The following PIGK variants were observed in gnomAD, a reference collection of about 807,000 sequenced individuals.
PIGK encodes phosphatidylinositol glycan anchor biosynthesis class K.
Under a neutral mutation model 50.6 loss-of-function variants are expected in PIGK, and 42 were observed. The ratio of observed to expected loss-of-function variants is 0.83; its 90% CI spans 0.65 to 1.07. The LOEUF is 1.07. Ranked by LOEUF, PIGK falls within the 50% of genes least tolerant of loss-of-function variation. The probability of loss-of-function intolerance (pLI) is 0.00; values close to 1 mark genes in which losing one functional copy is unlikely to be tolerated. For synonymous variants in PIGK, 151 were observed against 156.0 expected (o/e 0.97, Z 0.24); for missense variants, 448 against 488.7 (o/e 0.92, Z 0.78).
At chr1:77,125,189 C>T (rs1021842143) in intron 9 of PIGK, among the ~76,000 whole-genome samples, 1 of 152,124 alleles carries the variant, frequency 6.6e-6, no homozygotes, top group Non-Finnish European at 1.5e-5. Flanking sequence ...AATCTGGCAA[C>T]TTGTTTTGAA....
chr1:77,112,231 A>C (rs1360329407), intron 10 of PIGK, among the ~76,000 whole-genome samples: 1 of 152,126 alleles, frequency 6.6e-6, no homozygotes, highest in Non-Finnish European at 1.5e-5. Flanking sequence ...AGAGAATGAT[A>C]ATCTTAACTC....
intron 1 of PIGK, among the ~76,000 whole-genome samples, chr1:77,216,018 T>C (rs776767572): frequency 2.0e-5 from 3 of 152,302 alleles, no homozygotes; most frequent in Admixed American, 6.5e-5. Flanking sequence ...TAGCCTTCTA[T>C]AGCACTTTAG....
chr1:77,187,836 T>C (rs963970589), intron 3 of PIGK, among the ~76,000 whole-genome samples: 1 of 152,204 alleles, frequency 6.6e-6, no homozygotes, highest in Non-Finnish European at 1.5e-5. Flanking sequence ...GGCAGAAGAA[T>C]GTAGATTGTG....
At chr1:77,097,881 A>T (rs1653455044) in intron 10 of PIGK, among the ~76,000 whole-genome samples, 1 of 152,094 alleles carries the variant, frequency 6.6e-6, no homozygotes, top group Non-Finnish European at 1.5e-5. Flanking sequence ...AATAACAATT[A>T]AAAAAAACTA....
intron 9 of PIGK, among the ~76,000 whole-genome samples, chr1:77,130,677 A>G (rs1654353818): frequency 6.6e-6 from 1 of 152,194 alleles, no homozygotes; most frequent in Non-Finnish European, 1.5e-5. Flanking sequence ...CATACTCCTT[A>G]GTCATCCAAA....
chr1:77,125,756 C>A (rs1430886643), intron 9 of PIGK, among the ~76,000 whole-genome samples: 1 of 152,044 alleles, frequency 6.6e-6, no homozygotes, highest in Non-Finnish European at 1.5e-5. Flanking sequence ...AAATTCAGAT[C>A]TCATTTTATT....
intron 9 of PIGK, among the ~76,000 whole-genome samples, chr1:77,146,106 A>G (rs80174414): frequency 0.13 from 20,069 of 152,102 alleles, 1,548 homozygotes; most frequent in East Asian, 0.36. Flanking sequence ...AATTTTTTCA[A>G]CAAATGTTAC....
chr1:77,119,283 T>C (rs189485303), intron 10 of PIGK, among the ~76,000 whole-genome samples: 372 of 152,350 alleles, frequency 2.4e-3, no homozygotes, highest in African/African-American at 8.7e-3. Flanking sequence ...TTATTTGGTA[T>C]GTCTTTCTGT....
chr1:77,180,822 A>G (rs571504454), intron 3 of PIGK, among the ~76,000 whole-genome samples: 15 of 152,296 alleles, frequency 9.8e-5, no homozygotes, highest in Middle Eastern at 3.4e-3. Flanking sequence ...GATTTATCTC[A>G]GCGAGCAGAG....
chr1:77,207,322 C>G (rs1425995883), intron 2 of PIGK, among the ~76,000 whole-genome samples: 1 of 152,140 alleles, frequency 6.6e-6, no homozygotes, highest in East Asian at 1.9e-4. Flanking sequence ...ATTTCTGTGA[C>G]TCAGTAACAT....
At chr1:77,124,818 A>C (rs542166218) in intron 9 of PIGK, among the ~76,000 whole-genome samples, 1 of 152,138 alleles carries the variant, frequency 6.6e-6, no homozygotes, top group South Asian at 2.1e-4. Flanking sequence ...ACTCAAGAAT[A>C]AAAAAGCGAA....
chr1:77,119,871 CGTT>C (rs1654055872), intron 10 of PIGK, among the ~76,000 whole-genome samples: 1 of 59,584 alleles, frequency 1.7e-5, no homozygotes, highest in Non-Finnish European at 2.7e-5. Context: ...ATTAAAAATA[CGTT>C]ATCTATCCAT....
At chr1:77,096,069 T>A (rs1305438880) in intron 10 of PIGK, among the ~76,000 whole-genome samples, 2 of 148,282 alleles carry the variant, frequency 1.3e-5, no homozygotes, top group Non-Finnish European at 3.0e-5. Context: ...AATTTTTATC[T>A]GGCATGGATT....
At chr1:77,105,475 T>C (rs771655301) in intron 10 of PIGK, among the ~76,000 whole-genome samples, 36 of 151,906 alleles carry the variant, frequency 2.4e-4, no homozygotes, top group Non-Finnish European at 4.1e-4. Context: ...GTCTCCTGCC[T>C]CTATCAATAA....
chr1:77,133,849 T>C (rs1363045060), intron 9 of PIGK, among the ~76,000 whole-genome samples: 2 of 152,128 alleles, frequency 1.3e-5, no homozygotes, highest in South Asian at 2.1e-4. Context: ...TTTTCAAAGG[T>C]TTCTGACTTA....
At chr1:77,185,010 C>T (rs1304557696) in intron 3 of PIGK, among the ~76,000 whole-genome samples, 1 of 152,188 alleles carries the variant, frequency 6.6e-6, no homozygotes, top group Non-Finnish European at 1.5e-5. Flanking sequence ...TGGAGAATGA[C>T]AGCAGATTAT....
intron 5 of PIGK, among the ~76,000 whole-genome samples, chr1:77,164,857 A>C (rs1216241807): frequency 2.0e-5 from 3 of 152,202 alleles, no homozygotes; most frequent in Non-Finnish European, 2.9e-5. Flanking sequence ...ACAATGATTT[A>C]GAATACTGCC....
intron 2 of PIGK, 50 bp from the exon 3 acceptor site, chr1:77,206,781 G>T: frequency 9.6e-7 from 1 of 1,041,272 alleles, no homozygotes; most frequent in Non-Finnish European, 1.5e-6. Flanking sequence ...GGCTAACCAT[G>T]GAGCTGCAGA....
chr1:77,201,706 A>C (rs1656170052), intron 3 of PIGK, among the ~76,000 whole-genome samples: 1 of 151,994 alleles, frequency 6.6e-6, no homozygotes, highest in African/African-American at 2.4e-5. Context: ...GCTCCACTGC[A>C]CTCCAGCCTG....
Sources: allele counts gnomAD v4.1 joint callset (sites outside exome capture counted in the v4.1 genomes callset), GRCh38; gene constraint gnomAD v4.1.1; transcripts MANE v1.5; gene names NCBI Gene and HGNC (gene_info 2026-07-23, HGNC 2026-07-21).